The following ZNF718 variants were observed in gnomAD, a reference collection of about 807,000 sequenced individuals.
ZNF718 encodes zinc finger protein 718.
ZNF718 carries 3 observed loss-of-function variants against 2.6 expected under a neutral mutation model. The ratio of observed to expected loss-of-function variants is 1.16; its 90% CI spans 0.53 to 3.01. The LOEUF (loss-of-function observed/expected upper bound fraction) is 3.01, where lower values mean the gene tolerates loss of function less well. Among genes scored for constraint, ZNF718 ranks in the 30% most tolerant of loss-of-function variants. The probability of loss-of-function intolerance (pLI) is 0.03; values close to 1 mark genes in which losing one functional copy is unlikely to be tolerated. For missense variants in ZNF718, 468 were observed against 230.0 expected, an observed-to-expected ratio of 2.03 and a Z score of -6.69; for synonymous variants, 135 against 77.9, an observed-to-expected ratio of 1.73 and a Z score of -3.86.
chr4:201,219 C>T (rs1553822735), intron 4 of ZNF718: 1 of 152,220 alleles, frequency 6.6e-6, no homozygotes, highest in Non-Finnish European at 1.5e-5. Flanking sequence ...TTGGTGAGTA[C>T]ACAAAAGCCT....
chr4:175,352 G>A (rs962587279), intron 3 of ZNF718, among the ~76,000 whole-genome samples: 1 of 152,166 alleles, frequency 6.6e-6, no homozygotes, highest in African/African-American at 2.4e-5. Context: ...TCTCTAGTTG[G>A]ATAAATCACT....
chr4:195,993 C>T (rs1296595327), intron 3 of ZNF718, among the ~76,000 whole-genome samples: 6 of 152,010 alleles, frequency 3.9e-5, no homozygotes, highest in African/African-American at 1.5e-4. Context: ...CTTTCTCTCT[C>T]TGCTTCTCTT....
Position 169,943 on chromosome 4 carries a change from C to T in ZNF718, c.227-31138C>T, listed in dbSNP as rs554088651. Reference sequence around the variant, plus strand: ...AGTTGATGCAGTTTCTTCCTAGCATCGATGGTCTTTACAATTTGGCATGTT... The same window carrying T: ...AGTTGATGCAGTTTCTTCCTAGCATTGATGGTCTTTACAATTTGGCATGTT... On this transcript the variant is annotated intron_variant and NMD_transcript_variant, in intron 3 of 4. Transcript: ENST00000642529. Among the ~76,000 whole-genome samples, 35 of 151,878 alleles carry T rather than the reference C, an allele frequency of 2.3e-4. No homozygotes were observed. In the South Asian group the frequency reaches 5.2e-3, roughly 23 times the overall value.
intron 3 of ZNF718, among the ~76,000 whole-genome samples, chr4:135,766 C>T (rs540953043): frequency 3.2e-3 from 116 of 35,800 alleles, no homozygotes; most frequent in African/African-American, 0.012. Context: ...AATCTACAGA[C>T]AGTAATGTTT....
chr4:152,992 A>ATGTG (rs1716395448), intron 3 of ZNF718, among the ~76,000 whole-genome samples: 1 of 151,172 alleles, frequency 6.6e-6, no homozygotes, highest in African/African-American at 2.4e-5. Flanking sequence ...TCTCTGTAAT[A>ATGTG]TGTGGTAAAA....
chr4:194,350 A>G (rs1361456494), intron 3 of ZNF718, among the ~76,000 whole-genome samples: 2 of 152,180 alleles, frequency 1.3e-5, no homozygotes, highest in Non-Finnish European at 2.9e-5. Flanking sequence ...ATCATTGAAT[A>G]ATTTATAGAC....
intron 3 of ZNF718, among the ~76,000 whole-genome samples, chr4:180,944 GC>G (rs1282559540): frequency 6.6e-6 from 1 of 151,904 alleles, no homozygotes; most frequent in African/African-American, 2.4e-5. Context: ...AAAATGTTTT[GC>G]CATTAAATAT....
At chr4:165,358 A>T (rs1717062915), downstream of ZNF718, among the ~76,000 whole-genome samples, 2 of 152,206 alleles carry the variant, frequency 1.3e-5, no homozygotes, top group Admixed American at 6.6e-5. Flanking sequence ...TGTAAAAGAA[A>T]AATTTTATGA....
intron 3 of ZNF718, among the ~76,000 whole-genome samples, chr4:147,693 G>A (rs1342249558): frequency 2.0e-5 from 3 of 151,858 alleles, no homozygotes; most frequent in Admixed American, 6.6e-5. Context: ...GTGAAACCCC[G>A]TCTCTACTAA....
intron 3 of ZNF718, among the ~76,000 whole-genome samples, chr4:138,103 A>T (rs1450735696): frequency 6.6e-6 from 1 of 152,214 alleles, no homozygotes; most frequent in Non-Finnish European, 1.5e-5. Context: ...GTAAATGGGT[A>T]TTCATTACCT....
chr4:173,334 G>A (rs1717277917), intron 3 of ZNF718, among the ~76,000 whole-genome samples: 2 of 152,044 alleles, frequency 1.3e-5, no homozygotes, highest in South Asian at 4.1e-4. Flanking sequence ...TTTATTTATT[G>A]AGCTATTTCA....
At chr4:166,999 C>A (rs1717103605), downstream of ZNF718, among the ~76,000 whole-genome samples, 1 of 152,236 alleles carries the variant, frequency 6.6e-6, no homozygotes, top group African/African-American at 2.4e-5. Flanking sequence ...ACATTTAAGT[C>A]TTTAATCCAT....
At chr4:149,251 A>G (rs1716210988) in intron 3 of ZNF718, among the ~76,000 whole-genome samples, 1 of 152,168 alleles carries the variant, frequency 6.6e-6, no homozygotes, top group African/African-American at 2.4e-5. Context: ...GACATGGCTC[A>G]TTTTCATTAG....
chr4:168,794 A>C (rs1259432730), downstream of ZNF718, among the ~76,000 whole-genome samples: 2 of 152,022 alleles, frequency 1.3e-5, no homozygotes, highest in East Asian at 3.9e-4. Flanking sequence ...TGATCTTTTC[A>C]AAAAACCAGC....
At chr4:193,005 A>C (rs781982857) in intron 3 of ZNF718, among the ~76,000 whole-genome samples, 3 of 152,100 alleles carry the variant, frequency 2.0e-5, no homozygotes, top group Admixed American at 6.5e-5. Flanking sequence ...ATTTTAAGTA[A>C]TTTCCATTGG....
At chr4:191,067 A>C (rs1260994176) in intron 3 of ZNF718, among the ~76,000 whole-genome samples, 2 of 151,880 alleles carry the variant, frequency 1.3e-5, no homozygotes, top group African/African-American at 4.8e-5. Flanking sequence ...TTTTCTACAG[A>C]ATATATTTTC....
Position 162,229 on chromosome 4 carries a change from G to A in ZNF718, c.*107G>A, listed in dbSNP as rs1373009910. ...GAAAAAATTGACAAAGCTTTTAACCGCAACTCAATCTGTTCTAAACATAAG... is the reference window on the plus strand; with the variant it reads ...GAAAAAATTGACAAAGCTTTTAACCACAACTCAATCTGTTCTAAACATAAG... On this transcript the variant is annotated 3_prime_UTR_variant, in exon 4 of 4. Coordinates refer to ENST00000510175, the MANE Select transcript of ZNF718 (RefSeq NM_001039127.6). 1.7e-4 allele frequency: 96 copies of A among 579,638 alleles called. No homozygotes were observed. The South Asian group carries it at 1.8e-3, about 11-fold the overall frequency. 35.9% of individuals were successfully genotyped at this position (579,638 alleles called of 1,614,324 possible). A position where few individuals can be genotyped will look rare whatever the true frequency, so the allele number is the denominator to read the frequency against.
chr4:160,836 C>CTA (rs1581460222), intron 3 of ZNF718, 76 bp from the exon 4 acceptor site: 2 of 673,814 alleles, frequency 3.0e-6, no homozygotes, highest in South Asian at 3.7e-5. Flanking sequence ...CTGGCTTGAG[C>CTA]TATAGTGCCT....
chr4:154,983 A>G (rs1716496711), intron 3 of ZNF718, among the ~76,000 whole-genome samples: 1 of 152,166 alleles, frequency 6.6e-6, no homozygotes, highest in African/African-American at 2.4e-5. Flanking sequence ...CCTGTGTCCC[A>G]GCTACTCTAC....
Sources: allele counts gnomAD v4.1 joint callset (sites outside exome capture counted in the v4.1 genomes callset), GRCh38; gene constraint gnomAD v4.1.1; transcripts MANE v1.5; gene names NCBI Gene and HGNC (gene_info 2026-07-23, HGNC 2026-07-21).